Variants in PHF24 observed in about 807,000 individuals in gnomAD.
PHF24 encodes Galpha inhibitory interacting protein.
PHF24 carries 25 observed loss-of-function variants against 42.6 expected under a neutral mutation model. That is an observed-to-expected ratio of 0.59 (90% CI 0.43 to 0.82). The LOEUF is 0.82. Ranked by LOEUF, PHF24 falls within the 40% of genes least tolerant of loss-of-function variation. The probability of loss-of-function intolerance (pLI) is 0.00; values close to 1 mark genes in which losing one functional copy is unlikely to be tolerated. For missense variants in PHF24, 470 were observed against 538.1 expected (o/e 0.87, Z 1.25); for synonymous variants, 185 against 204.8 (o/e 0.90, Z 0.83).
the PHF24 span, among the ~76,000 whole-genome samples, chr9:34,787,783 T>C: frequency 1.3e-5 from 2 of 152,148 alleles, no homozygotes; most frequent in East Asian, 3.9e-4. Flanking sequence ...TTCCATTTAC[T>C]CCTCAACCCA....
the PHF24 span, among the ~76,000 whole-genome samples, chr9:34,699,981 C>T: frequency 6.6e-6 from 1 of 152,068 alleles, no homozygotes; most frequent in Non-Finnish European, 1.5e-5. Flanking sequence ...TCAGGAAAAC[C>T]TTTACTAATA....
At chr9:34,766,553 A>G in the PHF24 span, among the ~76,000 whole-genome samples, 10 of 152,134 alleles carry the variant, frequency 6.6e-5, no homozygotes, top group African/African-American at 2.2e-4. Flanking sequence ...CAGCTCCATC[A>G]GCTCCTTTAA....
At chr9:34,931,609 A>C in the PHF24 span, among the ~76,000 whole-genome samples, 1 of 152,170 alleles carries the variant, frequency 6.6e-6, no homozygotes, top group Non-Finnish European at 1.5e-5. Flanking sequence ...AAAATTAAGA[A>C]GTGTGTGGCC....
chr9:34,893,235 C>T, the PHF24 span: 60 of 445,116 alleles, frequency 1.3e-4, no homozygotes, highest in Middle Eastern at 1.4e-3. Context: ...TGGCATTGTC[C>T]TTTCCCAGTC....
the PHF24 span, among the ~76,000 whole-genome samples, chr9:34,850,963 T>C: frequency 6.6e-6 from 1 of 152,192 alleles, no homozygotes; most frequent in East Asian, 1.9e-4. Flanking sequence ...CTGGAAGTTT[T>C]GTCTCAGAGG....
chr9:34,877,361 G>A, the PHF24 span, among the ~76,000 whole-genome samples: 1 of 151,560 alleles, frequency 6.6e-6, no homozygotes, highest in African/African-American at 2.4e-5. Flanking sequence ...AGTGAAATAA[G>A]CCAGACACAA....
chr9:34,940,554 A>C, the PHF24 span, among the ~76,000 whole-genome samples: 1 of 152,108 alleles, frequency 6.6e-6, no homozygotes, highest in Non-Finnish European at 1.5e-5. Flanking sequence ...GAGTTTTAAG[A>C]CCAGGCCAGC....
chr9:34,851,185 C>T, the PHF24 span, among the ~76,000 whole-genome samples: 1 of 152,164 alleles, frequency 6.6e-6, no homozygotes. Context: ...TTTTGTTTGT[C>T]TGTGCCCTGC....
intron 7 of PHF24, 151 bp downstream of exon 7, chr9:34,977,792 T>C (rs1827255491): frequency 1.3e-6 from 1 of 775,452 alleles, no homozygotes; most frequent in East Asian, 2.7e-5. Context: ...CCCAAGTCTA[T>C]AGGACCAGCC....
the PHF24 span, among the ~76,000 whole-genome samples, chr9:34,925,576 A>C: frequency 4.6e-5 from 7 of 151,876 alleles, no homozygotes; most frequent in South Asian, 1.5e-3. Context: ...GAAGTTGTGG[A>C]TTGTATTTTT....
chr9:34,708,700 C>G, the PHF24 span, among the ~76,000 whole-genome samples: 1 of 152,140 alleles, frequency 6.6e-6, no homozygotes, highest in Non-Finnish European at 1.5e-5. Context: ...GGAAAAGATC[C>G]GAAGGTCACC....
chr9:34,863,922 T>C, the PHF24 span, among the ~76,000 whole-genome samples: 3 of 152,144 alleles, frequency 2.0e-5, no homozygotes, highest in Non-Finnish European at 2.9e-5. Context: ...AATTCAGAAT[T>C]CTACAAGAGA....
the PHF24 span, among the ~76,000 whole-genome samples, chr9:34,666,405 G>A: frequency 6.6e-6 from 1 of 152,108 alleles, no homozygotes; most frequent in African/African-American, 2.4e-5. Flanking sequence ...GTATGACCCT[G>A]GGCCGAGGAG....
chr9:34,958,136 G>A (rs938058908), upstream of PHF24, among the ~76,000 whole-genome samples: 2 of 148,286 alleles, frequency 1.3e-5, no homozygotes, highest in African/African-American at 2.4e-5. This position sits in a 1 kb window ranked among gnomAD's most constrained non-coding sequence, Gnocchi z 4.5. Flanking sequence ...ACTGGGCGGG[G>A]CGGGGCGCGC....
the PHF24 span, among the ~76,000 whole-genome samples, chr9:34,712,224 C>T: frequency 6.6e-6 from 1 of 151,894 alleles, no homozygotes; most frequent in African/African-American, 2.4e-5. Flanking sequence ...TTCTCTCTTG[C>T]TGCTTTTAAA....
the PHF24 span, chr9:34,835,897 A>G: frequency 3.3e-6 from 3 of 902,300 alleles, no homozygotes; most frequent in Non-Finnish European, 5.4e-6. Flanking sequence ...GCAAGAGGAG[A>G]CCTGTGATGG....
chr9:34,843,561 G>A, the PHF24 span, among the ~76,000 whole-genome samples: 4 of 152,066 alleles, frequency 2.6e-5, no homozygotes, highest in African/African-American at 9.7e-5. Flanking sequence ...GGCTATTATA[G>A]GTCATTAATT....
At chr9:34,822,417 A>G in the PHF24 span, among the ~76,000 whole-genome samples, 4 of 152,256 alleles carry the variant, frequency 2.6e-5, no homozygotes, top group Admixed American at 6.5e-5. Context: ...CACATACTAT[A>G]AAATTCATAT....
At chr9:34,730,785 G>A in the PHF24 span, among the ~76,000 whole-genome samples, 1 of 152,188 alleles carries the variant, frequency 6.6e-6, no homozygotes, top group Non-Finnish European at 1.5e-5. Flanking sequence ...GCAGGTTGTG[G>A]GTAAAAGGAC....
Sources: allele counts gnomAD v4.1 joint callset (sites outside exome capture counted in the v4.1 genomes callset), GRCh38; gene constraint gnomAD v4.1.1; non-coding constraint Gnocchi (gnomAD v3.1); transcripts MANE v1.5; gene names NCBI Gene and HGNC (gene_info 2026-07-23, HGNC 2026-07-21).